Variants in CSMD3 observed in about 807,000 individuals in gnomAD.
The protein encoded by CSMD3 is CUB and Sushi multiple domains 3.
Under a neutral mutation model 435.2 loss-of-function variants are expected in CSMD3, and 177 were observed. The ratio of observed to expected loss-of-function variants is 0.41; its 90% CI spans 0.36 to 0.46. The LOEUF is 0.46. CSMD3 is among the 20% of genes least tolerant of loss of function. CSMD3 has a pLI of 0.34. For synonymous variants in CSMD3, 1,656 were observed against 1,520.5 expected (o/e 1.09, Z -2.07); for missense variants, 4,265 against 4,504.6 (o/e 0.95, Z 1.52).
At chr8:112,800,528 C>G (rs972201488) in intron 12 of CSMD3, among the ~76,000 whole-genome samples, 3 of 151,820 alleles carry the variant, frequency 2.0e-5, no homozygotes, top group Non-Finnish European at 4.4e-5. Context: ...ATATTTTAGA[C>G]CATCAAAAAC....
At chr8:112,618,149 T>G (rs1043704506) in intron 22 of CSMD3, among the ~76,000 whole-genome samples, 4 of 152,110 alleles carry the variant, frequency 2.6e-5, no homozygotes, top group Non-Finnish European at 4.4e-5. Context: ...TTTTCCTACA[T>G]AAAATCATGG....
intron 27 of CSMD3, among the ~76,000 whole-genome samples, 154 bp downstream of exon 27, chr8:112,550,517 A>G (rs567273888): frequency 6.6e-6 from 1 of 151,978 alleles, no homozygotes; most frequent in Admixed American, 6.6e-5. Flanking sequence ...TCCCATGTAT[A>G]TTTTACCTTT....
chr8:112,329,067 G>A (rs1348349878), intron 45 of CSMD3, among the ~76,000 whole-genome samples: 1 of 152,110 alleles, frequency 6.6e-6, no homozygotes, highest in East Asian at 1.9e-4. Context: ...TTCAATATCT[G>A]TTGCATGAAT....
intron 58 of CSMD3, among the ~76,000 whole-genome samples, chr8:112,284,157 C>G (rs1186817924): frequency 6.6e-6 from 1 of 151,552 alleles, no homozygotes; most frequent in South Asian, 2.1e-4. Context: ...TTCACACCTC[C>G]TATGTAACAC....
At chr8:113,376,890 C>T (rs927215751) in intron 1 of CSMD3, 65 of 1,605,106 alleles carry the variant, frequency 4.0e-5, no homozygotes, top group Non-Finnish European at 4.9e-5. Context: ...AGCTTCCTGG[C>T]CGGGAAAACA....
chr8:112,926,796 G>C (rs901898544), intron 9 of CSMD3, among the ~76,000 whole-genome samples: 4 of 152,006 alleles, frequency 2.6e-5, no homozygotes, highest in African/African-American at 4.8e-5. Flanking sequence ...TAAAAAAAAA[G>C]CAGAGGAGGA....
At chr8:112,679,133 G>C (rs533527711) in intron 16 of CSMD3, among the ~76,000 whole-genome samples, 1 of 150,522 alleles carries the variant, frequency 6.6e-6, no homozygotes, top group South Asian at 2.1e-4. Flanking sequence ...ATAAGCTGAG[G>C]CATCAGTTAG....
chr8:113,098,701 T>C (rs2090239983), intron 5 of CSMD3, 55 bp downstream of exon 5: 1 of 1,177,128 alleles, frequency 8.5e-7, no homozygotes, highest in Non-Finnish European at 1.3e-6. Flanking sequence ...TGTTCTTTGT[T>C]CCTTAGTTTG....
At chr8:112,556,712 TG>T (rs1828149832) in intron 25 of CSMD3, 50 bp downstream of exon 25, 2 of 1,457,304 alleles carry the variant, frequency 1.4e-6, no homozygotes, top group Admixed American at 1.7e-5. Flanking sequence ...GCAAAGAATT[TG>T]ATAAAGTTTT....
intron 23 of CSMD3, among the ~76,000 whole-genome samples, chr8:112,584,004 C>A (rs1459906662): frequency 6.6e-6 from 1 of 151,314 alleles, no homozygotes; most frequent in East Asian, 1.9e-4. Flanking sequence ...AATTATTTAT[C>A]CACCTTTGAC....
intron 20 of CSMD3, among the ~76,000 whole-genome samples, chr8:112,639,539 A>T (rs2131592501): frequency 6.6e-6 from 1 of 152,268 alleles, no homozygotes; most frequent in Non-Finnish European, 1.5e-5. Context: ...TAGCCACAAT[A>T]ATACCAACAC....
At chr8:112,572,437 T>C (rs1829607519) in intron 24 of CSMD3, among the ~76,000 whole-genome samples, 1 of 152,108 alleles carries the variant, frequency 6.6e-6, no homozygotes, top group African/African-American at 2.4e-5. Flanking sequence ...TTCTCTTGTC[T>C]ACTATTTCTT....
At chr8:112,674,552 T>C (rs990446008) in intron 16 of CSMD3, among the ~76,000 whole-genome samples, 6 of 152,124 alleles carry the variant, frequency 3.9e-5, no homozygotes, top group East Asian at 1.9e-4. Context: ...CTCTGTTGGA[T>C]TGTCTTTTCC....
At chr8:112,742,745 A>G (rs751806545) in intron 13 of CSMD3, among the ~76,000 whole-genome samples, 5 of 152,006 alleles carry the variant, frequency 3.3e-5, no homozygotes, top group Non-Finnish European at 5.9e-5. Context: ...CATTAATAGC[A>G]GTCACTGGTA....
intron 1 of CSMD3, among the ~76,000 whole-genome samples, chr8:113,326,529 ATTATT>A (rs2093985006): frequency 6.6e-6 from 1 of 152,050 alleles, no homozygotes; most frequent in African/African-American, 2.4e-5. Flanking sequence ...AGGAACATAT[ATTATT>A]TTATTAAATC....
chr8:112,885,084 T>C (rs1457115587), intron 10 of CSMD3, among the ~76,000 whole-genome samples: 1 of 151,772 alleles, frequency 6.6e-6, no homozygotes, highest in African/African-American at 2.4e-5. Context: ...TTACTTCTAC[T>C]GCCTTTTCTT....
At chr8:112,379,777 T>C (rs1316109269) in intron 38 of CSMD3, among the ~76,000 whole-genome samples, 1 of 152,160 alleles carries the variant, frequency 6.6e-6, no homozygotes, top group Non-Finnish European at 1.5e-5. Context: ...ATTACAAAGA[T>C]ACGGTTACCA....
In CSMD3 at chr8:113,056,971, G is replaced by A. The variant is rs553929446; in HGVS notation, c.918-37792C>T. On this transcript the variant is annotated intron_variant, in intron 5 of 70. Transcript: ENST00000297405. Reference sequence around the variant, plus strand: ...TAATTTTACATTTACTACTTTTCTAGTCACACTGACATTTCTTAATCTTTA... The same window carrying A: ...TAATTTTACATTTACTACTTTTCTAATCACACTGACATTTCTTAATCTTTA... Among the ~76,000 whole-genome samples the A allele has an allele frequency of 5.3e-5, 8 of 152,132 alleles. No homozygotes were observed. In the East Asian group the frequency reaches 1.5e-3, roughly 29 times the overall value.
At chr8:113,034,079 TGA>T in intron 5 of CSMD3, among the ~76,000 whole-genome samples, 1 of 151,730 alleles carries the variant, frequency 6.6e-6, no homozygotes, top group Admixed American at 6.6e-5. Flanking sequence ...TGCAGAACTG[TGA>T]GTCAATTAAC....
Sources: gnomAD v4.1 joint callset for allele counts (sites outside exome capture counted in the v4.1 genomes callset) on GRCh38, gnomAD v4.1.1 for gene constraint, MANE v1.5 for transcripts, NCBI Gene and HGNC (gene_info 2026-07-23, HGNC 2026-07-21) for gene names.